Variants in DLG2 observed in about 807,000 individuals in gnomAD.
DLG2 encodes disks large homolog 2.
A neutral mutation model predicts 132.5 loss-of-function variants in DLG2; 45 were observed. The ratio of observed to expected loss-of-function variants is 0.34; its 90% CI spans 0.27 to 0.44. The LOEUF (loss-of-function observed/expected upper bound fraction) is 0.44, where lower values mean the gene tolerates loss of function less well. Ranked by LOEUF, DLG2 falls within the 20% of genes least tolerant of loss-of-function variation. The probability of loss-of-function intolerance (pLI) is 1.00; values close to 1 mark genes in which losing one functional copy is unlikely to be tolerated. For missense variants in DLG2, 1,045 were observed against 1,196.9 expected (o/e 0.87, Z 1.87); for synonymous variants, 424 against 419.6 (o/e 1.01, Z -0.13).
At chr11:84,346,653 C>G (rs2098540509) in intron 7 of DLG2, among the ~76,000 whole-genome samples, 1 of 152,174 alleles carries the variant, frequency 6.6e-6, no homozygotes, top group Non-Finnish European at 1.5e-5. Context: ...TCTTGGCTCC[C>G]TGCAACCTTC....
intron 25 of DLG2, among the ~76,000 whole-genome samples, chr11:83,467,844 T>C (rs376415992): frequency 1.2e-4 from 2 of 16,112 alleles, no homozygotes; most frequent in African/African-American, 6.7e-4. Context: ...AATTAAAACA[T>C]ATATATATAT....
At chr11:85,504,828 A>T (rs937300045) in intron 3 of DLG2, among the ~76,000 whole-genome samples, 3 of 152,122 alleles carry the variant, frequency 2.0e-5, no homozygotes, top group Admixed American at 1.3e-4. Context: ...CACAATATTG[A>T]TTCTTCCTAT....
At chr11:84,959,880 T>C (rs370380100) in intron 6 of DLG2, among the ~76,000 whole-genome samples, 1 of 151,992 alleles carries the variant, frequency 6.6e-6, no homozygotes. Flanking sequence ...GAAATGTATA[T>C]AGACAATGAG....
intron 17 of DLG2, among the ~76,000 whole-genome samples, chr11:83,795,437 A>ATG (rs1313134272): frequency 8.4e-6 from 1 of 118,352 alleles, no homozygotes; most frequent in Non-Finnish European, 1.9e-5. Flanking sequence ...CTATATCTAT[A>ATG]TCTATATATC....
At chr11:83,544,478 A>G (rs941132558) in intron 19 of DLG2, among the ~76,000 whole-genome samples, 6 of 152,106 alleles carry the variant, frequency 3.9e-5, no homozygotes, top group African/African-American at 1.4e-4. Flanking sequence ...GGACAGATCT[A>G]GTGGGGCCCA....
At chr11:83,814,113 T>C (rs986824584) in intron 17 of DLG2, among the ~76,000 whole-genome samples, 7 of 152,260 alleles carry the variant, frequency 4.6e-5, no homozygotes, top group Non-Finnish European at 7.4e-5. Flanking sequence ...TTAGAACGTA[T>C]TTAAAAGAAT....
At chr11:83,816,777 C>T (rs1028126206) in intron 17 of DLG2, among the ~76,000 whole-genome samples, 1 of 152,150 alleles carries the variant, frequency 6.6e-6, no homozygotes, top group African/African-American at 2.4e-5. Context: ...GCTTTCATTG[C>T]CCTCTAGTGG....
chr11:83,475,627 G>A (rs961844130), intron 22 of DLG2, among the ~76,000 whole-genome samples: 5 of 152,110 alleles, frequency 3.3e-5, no homozygotes, highest in Middle Eastern at 3.4e-3. Flanking sequence ...GAGAGAGATA[G>A]GGGCTGAAAC....
intron 18 of DLG2, among the ~76,000 whole-genome samples, chr11:83,748,607 T>C (rs2093082162): frequency 6.6e-6 from 1 of 152,198 alleles, no homozygotes; most frequent in Admixed American, 6.5e-5. Context: ...GAAAGAAACA[T>C]GACTCTGCCT....
chr11:84,927,664 A>G (rs2047556940), intron 6 of DLG2, among the ~76,000 whole-genome samples: 1 of 152,062 alleles, frequency 6.6e-6, no homozygotes, highest in Non-Finnish European at 1.5e-5. Context: ...TGTTCCAATA[A>G]AACTTTATTA....
At chr11:85,306,816 C>T (rs2079979941) in intron 3 of DLG2, among the ~76,000 whole-genome samples, 1 of 152,162 alleles carries the variant, frequency 6.6e-6, no homozygotes, top group Admixed American at 6.5e-5. Context: ...TCGTGATCCG[C>T]CCACCTTGGC....
rs372383200 is a variant in DLG2 at position 84,163,451 on chromosome 11, T to A, written c.624+10A>T. ...ATTGGGGCTTTGGATTTTTCAAAAT[T>A]TTTTCTTACCCTCTCCAGTGTAATT... On this transcript the variant is annotated intron_variant, in intron 9 of 27. Coordinates refer to ENST00000376104, the MANE Select transcript of DLG2 (RefSeq NM_001142699.3). The A allele has an allele frequency of 6.2e-7, 1 of 1,602,636 alleles. No homozygotes were observed. The highest frequency in any genetic ancestry group is 1.3e-5 in the African/African-American group (1 of 74,208).
intron 7 of DLG2, among the ~76,000 whole-genome samples, chr11:84,317,899 CAT>C (rs908652452): frequency 3.8e-4 from 58 of 152,184 alleles, no homozygotes; most frequent in African/African-American, 1.4e-3. Flanking sequence ...TTAGTCCAAA[CAT>C]ATATTCTTTA....
intron 3 of DLG2, among the ~76,000 whole-genome samples, chr11:85,372,014 AT>A (rs969710083): frequency 6.6e-6 from 1 of 152,204 alleles, no homozygotes; most frequent in African/African-American, 2.4e-5. Flanking sequence ...AAACTTATAC[AT>A]TTGTCATTAA....
At chr11:83,618,184 C>A (rs2061119171) in intron 19 of DLG2, among the ~76,000 whole-genome samples, 1 of 152,024 alleles carries the variant, frequency 6.6e-6, no homozygotes, top group Non-Finnish European at 1.5e-5. Context: ...AGCGTTCTTT[C>A]ATTTCTGTAA....
At chr11:84,954,217 TCTC>T (rs2051326534) in intron 6 of DLG2, among the ~76,000 whole-genome samples, 1 of 152,064 alleles carries the variant, frequency 6.6e-6, no homozygotes, top group African/African-American at 2.4e-5. Context: ...TGCATTGGAC[TCTC>T]CTCTTTCTAC....
In DLG2 at chr11:85,488,586, C is replaced by A. The variant is rs542285843; in HGVS notation, c.40+110071G>T. ...CACTGTCTAAATTCAAACTGAGAGA[C>A]TGAATTCTAAAATCAGCAAGAGAAA... On this transcript the variant is annotated intron_variant, in intron 3 of 27. Transcript: ENST00000376104. 2.8e-4 allele frequency among the ~76,000 whole-genome samples: 42 copies of A among 152,184 alleles called. 1 individual carries two copies. The highest frequency in any genetic ancestry group is 2.6e-3 in the Admixed American group (40 of 15,286).
chr11:85,206,516 A>G (rs1432177476), intron 4 of DLG2, among the ~76,000 whole-genome samples: 2 of 152,196 alleles, frequency 1.3e-5, no homozygotes, highest in Non-Finnish European at 2.9e-5. Context: ...TGAATATGAA[A>G]GCACCAAATA....
At chr11:84,774,169 T>C (rs143233906) in intron 6 of DLG2, among the ~76,000 whole-genome samples, 35 of 152,056 alleles carry the variant, frequency 2.3e-4, no homozygotes, top group African/African-American at 8.2e-4. Flanking sequence ...AAATCAAGAA[T>C]GCAATCCTAT....
Sources: gnomAD v4.1 joint callset for allele counts (sites outside exome capture counted in the v4.1 genomes callset) on GRCh38, gnomAD v4.1.1 for gene constraint, MANE v1.5 for transcripts, NCBI Gene and HGNC (gene_info 2026-07-23, HGNC 2026-07-21) for gene names.